Variants in SEPTIN4 observed in about 807,000 individuals in gnomAD.
The protein encoded by SEPTIN4 is septin 4, also known as septin-4.
SEPTIN4 carries 52 observed loss-of-function variants against 107.1 expected under a neutral mutation model. The observed-to-expected ratio is 0.49, with a 90% confidence interval of 0.39 to 0.61. The LOEUF (loss-of-function observed/expected upper bound fraction) is 0.61, where lower values mean the gene tolerates loss of function less well. Among genes scored for constraint, SEPTIN4 ranks in the 20% least tolerant of loss-of-function variants. SEPTIN4 has a pLI of 0.00. For missense variants in SEPTIN4, 1,048 were observed against 1,243.5 expected (o/e 0.84, Z 2.36); for synonymous variants, 417 against 467.0 (o/e 0.89, Z 1.38).
At chr17:58,529,425 G>C (rs576345346) in intron 3 of SEPTIN4, 61 of 1,391,832 alleles carry the variant, frequency 4.4e-5, no homozygotes, top group Non-Finnish European at 5.2e-5. Context: ...CTCAGCTGCA[G>C]CAGGATCACT....
At chr17:58,530,016 G>A (rs1158213399) in intron 3 of SEPTIN4, 1 of 152,234 alleles carries the variant, frequency 6.6e-6, no homozygotes, top group Admixed American at 6.5e-5. Flanking sequence ...TGGTCTCTGA[G>A]GAGCACGGGT....
chr17:58,526,313 C>A lies in SEPTIN4; in HGVS notation c.1912G>T (p.Asp638Tyr). The A allele has an allele frequency of 6.4e-7, 1 of 1,571,328 alleles. No individual in the cohort carries two copies. Among genetic ancestry groups the A allele is most frequent in the Non-Finnish European group, 8.6e-7 (1 of 1,159,816 alleles). The change falls in exon 5 of 14, where the codon GAT (aspartate) becomes TAT (tyrosine). Residue 638 changes from aspartate to tyrosine, a missense_variant and splice_region_variant. Around this residue, in one of 2 missense-constraint regions of SEPTIN4, gnomAD observed 787 missense variants for 871.8 expected, o/e 0.90. Coordinates refer to ENST00000672673, the MANE Select transcript of SEPTIN4 (RefSeq NM_001368771.2). ...GCAAAGCCCACATACTCCTTGTCAT[C>A]CTAGTAGACAGGAAGGCAGAATGCA... ...GKLDPYDSSE[D>Y]DKEYVGFATL...
intron 3 of SEPTIN4, chr17:58,530,405 C>T (rs1292737663): frequency 6.6e-6 from 1 of 152,258 alleles, no homozygotes; most frequent in Non-Finnish European, 1.5e-5. Flanking sequence ...GGGGGTCTCC[C>T]CCACTGATTC....
rs935927947 is a variant in SEPTIN4, at chr17:58,520,369, G to A, written c.*57C>T. On this transcript the variant is annotated 3_prime_UTR_variant, in exon 14 of 14. Coordinates refer to ENST00000672673, the MANE Select transcript of SEPTIN4 (RefSeq NM_001368771.2). ...CCTGAGCAGAGCTGGTGCTGGGAGG[G>A]GCCGGCATGGACAGGAAGAAGAGGA... 6.4e-7 allele frequency: 1 copy of A among 1,553,140 alleles called. No homozygotes were observed. Among genetic ancestry groups the A allele is most frequent in the Non-Finnish European group, 8.8e-7 (1 of 1,132,644 alleles).
chr17:58,537,359 T>C (rs1210389430), intron 3 of SEPTIN4, among the ~76,000 whole-genome samples: 1 of 152,148 alleles, frequency 6.6e-6, no homozygotes, highest in Non-Finnish European at 1.5e-5. Flanking sequence ...AGGCAAACCC[T>C]GATGAGTTGG....
chr17:58,526,172 C>T, intron 5 of SEPTIN4, 48 bp downstream of exon 5: 1 of 1,532,258 alleles, frequency 6.5e-7, no homozygotes, highest in South Asian at 1.3e-5. Context: ...CACACACCAT[C>T]CCCACCTGAA....
At chr17:58,532,156 G>T in intron 3 of SEPTIN4, 1 of 1,023,398 alleles carries the variant, frequency 9.8e-7, no homozygotes, top group Non-Finnish European at 1.2e-6. Flanking sequence ...TGCTAGCGGT[G>T]CCGGCGCGAA....
chr17:58,520,501 G>A lies in SEPTIN4; in HGVS notation c.2932-16C>T. ...TCCGCCGCAGCTGGAATAGGCACAG[G>A]CATCAAAATGGGGACTTTTGGAGAG... On this transcript the variant is annotated splice_polypyrimidine_tract_variant and intron_variant, in intron 13 of 13. Coordinates refer to ENST00000672673, the MANE Select transcript of SEPTIN4 (RefSeq NM_001368771.2). 6.2e-7 allele frequency: 1 copy of A among 1,613,534 alleles called. No homozygotes were observed. The highest frequency in any genetic ancestry group is 8.5e-7 in the Non-Finnish European group (1 of 1,179,852).
intron 3 of SEPTIN4, 42 bp from the exon 4 acceptor site, chr17:58,527,020 G>C (rs2042985895): frequency 6.2e-7 from 1 of 1,613,366 alleles, no homozygotes; most frequent in African/African-American, 1.3e-5. Flanking sequence ...GTGGTGCCGG[G>C]AAGGGAGCCG....
chr17:58,526,837 C>T lies in SEPTIN4; in HGVS notation c.1756G>A (p.Ala586Thr). The change falls in exon 4 of 14, where the codon GCC becomes ACC. Residue 586 changes from alanine (A) to threonine (T), a missense_variant. Ala to Thr is a moderately conservative substitution (Grantham distance 58). Around this residue, in one of 2 missense-constraint regions of SEPTIN4, gnomAD observed 787 missense variants for 871.8 expected, o/e 0.90. Coordinates refer to ENST00000672673, the MANE Select transcript of SEPTIN4 (RefSeq NM_001368771.2). ...AGGTCATCATCATAGAGGTCCGGGG[C>T]CTGGGGCCTTGGCTCCGGGACTTGG... is the stretch of plus-strand genomic sequence containing the variant. The part of the protein sequence containing the change: ...RPQVPEPRPQ[A>T]PDLYDDDLEF... 1 of 1,613,694 alleles carries T rather than the reference C, an allele frequency of 6.2e-7. No homozygotes were observed. The highest frequency in any genetic ancestry group is 8.5e-7 in the Non-Finnish European group (1 of 1,179,910).
intron 7 of SEPTIN4, among the ~76,000 whole-genome samples, chr17:58,523,301 G>C (rs1405024813): frequency 6.6e-6 from 1 of 151,704 alleles, no homozygotes; most frequent in Non-Finnish European, 1.5e-5. Context: ...CCTGAGCCCG[G>C]GGAGCCCCGG....
At chr17:58,533,363 C>T (rs904957589) in intron 3 of SEPTIN4, among the ~76,000 whole-genome samples, 17 of 152,166 alleles carry the variant, frequency 1.1e-4, no homozygotes, top group Non-Finnish European at 2.5e-4. Flanking sequence ...AATTTCCATA[C>T]CTGAAAATGA....
chr17:58,532,723 G>C (rs955025189), intron 3 of SEPTIN4, among the ~76,000 whole-genome samples: 1 of 152,194 alleles, frequency 6.6e-6, no homozygotes, highest in Non-Finnish European at 1.5e-5. Context: ...AGGACAGTGG[G>C]GAGGGCCTCA....
intron 7 of SEPTIN4, 140 bp from the exon 8 acceptor site, chr17:58,522,241 A>G (rs1002851306): frequency 7.8e-6 from 9 of 1,149,448 alleles, no homozygotes; most frequent in African/African-American, 7.7e-5. Context: ...CTAAATCTTT[A>G]GAGAAATTCC....
At chr17:58,533,285 C>CTTGAGGAGAAACCTTCCT in intron 3 of SEPTIN4, among the ~76,000 whole-genome samples, 1 of 152,284 alleles carries the variant, frequency 6.6e-6, no homozygotes, top group South Asian at 2.1e-4. Context: ...GTTCATGAGC[C>CTTGAGGAGAAACCTTCCT]AGCCGGTTGA....
At chr17:58,520,643 A>G (rs2042161917) in intron 13 of SEPTIN4, 100 bp downstream of exon 13, 3 of 1,551,902 alleles carry the variant, frequency 1.9e-6, no homozygotes, top group Non-Finnish European at 2.7e-6. Context: ...CCAGGACCCA[A>G]ATATGCACCA....
chr17:58,535,869 T>C (rs1233444267), intron 3 of SEPTIN4, among the ~76,000 whole-genome samples: 4 of 152,206 alleles, frequency 2.6e-5, no homozygotes, highest in Admixed American at 2.0e-4. Flanking sequence ...AAAGGACTCA[T>C]TGATTAGTTT....
At position 58,521,799 on chromosome 17, in the gene SEPTIN4, G is replaced by T. The variant is rs775607555; in HGVS notation, c.2406C>A (p.Ile802=). The T allele has an allele frequency of 1.9e-6, 3 of 1,614,082 alleles. No individual in the cohort carries two copies. In the African/African-American group the frequency reaches 4.0e-5, roughly 22 times the overall value. The part of the protein sequence containing the change: ...FMKALHQRVN[I]VPILAKADTL... ...TGTCTGCCTTAGCCAGGATAGGCAC[G>T]ATGTTGACCCGCTGATGCAGGGCCT... The change falls in exon 9 of 14, where the codon ATC becomes ATA. Residue 802 remains isoleucine, a synonymous_variant. Coordinates refer to ENST00000672673, the MANE Select transcript of SEPTIN4 (RefSeq NM_001368771.2). This position sits in a 1 kb window ranked among gnomAD's most constrained non-coding sequence, Gnocchi z 6.4.
intron 3 of SEPTIN4, among the ~76,000 whole-genome samples, chr17:58,537,983 A>G (rs969915922): frequency 1.3e-5 from 2 of 152,104 alleles, no homozygotes; most frequent in Non-Finnish European, 2.9e-5. Flanking sequence ...AGTCCCAACT[A>G]CTCAGGAGGC....
Sources: gnomAD v4.1 joint callset for allele counts (sites outside exome capture counted in the v4.1 genomes callset) on GRCh38, gnomAD v4.1.1 for gene constraint, gnomAD v4.1.1 regional missense constraint, Gnocchi (gnomAD v3.1) non-coding constraint, MANE v1.5 for transcripts, NCBI Gene and HGNC (gene_info 2026-07-23, HGNC 2026-07-21) for gene names.